Variants in RANBP17 observed in about 807,000 individuals in gnomAD.
The protein encoded by RANBP17 is RAN binding protein 17.
RANBP17 carries 158 observed loss-of-function variants against 141.2 expected under a neutral mutation model. The ratio of observed to expected loss-of-function variants is 1.12; its 90% CI spans 0.98 to 1.28. The LOEUF is 1.28. Among genes scored for constraint, RANBP17 ranks in the 50% most tolerant of loss-of-function variants. The pLI is 0.00. For missense variants in RANBP17, 1,438 were observed against 1,290.7 expected (o/e 1.11, Z -1.75); for synonymous variants, 430 against 450.0 (o/e 0.96, Z 0.56).
intron 13 of RANBP17, among the ~76,000 whole-genome samples, chr5:170,954,770 C>A (rs1775479412): frequency 5.3e-5 from 8 of 151,946 alleles, no homozygotes; most frequent in Admixed American, 3.9e-4. Flanking sequence ...TTCCTAAATG[C>A]AGAATAGCTG....
At chr5:171,231,969 CA>C (rs1381829251) in intron 22 of RANBP17, among the ~76,000 whole-genome samples, 3 of 152,072 alleles carry the variant, frequency 2.0e-5, no homozygotes, top group African/African-American at 7.2e-5. Context: ...AAGGATATAT[CA>C]GTTCAATGGA....
At position 171,153,368 on chromosome 5, in the gene RANBP17, C is replaced by CT. The variant is rs892495267; in HGVS notation, c.1711-16754dup. Among the ~76,000 whole-genome samples, 75 of 152,064 alleles carry CT rather than the reference C, an allele frequency of 4.9e-4. No individual in the cohort carries two copies. In the Middle Eastern group the frequency reaches 0.02, roughly 41 times the overall value. ...TATTTTTGGCTAGATTAGTGGCACTCTTTTTTTTGTTTCATTTATTATACA... is the reference window on the plus strand; with the variant it reads ...TATTTTTGGCTAGATTAGTGGCACTCTTTTTTTTTGTTTCATTTATTATACA... On this transcript the variant is annotated intron_variant, in intron 14 of 27. Coordinates refer to ENST00000523189, the MANE Select transcript of RANBP17 (RefSeq NM_022897.5).
At chr5:171,147,339 T>TTGTGTGTTTGTGTGTGTGTG (rs1758105220) in intron 14 of RANBP17, among the ~76,000 whole-genome samples, 1 of 104,850 alleles carries the variant, frequency 9.5e-6, no homozygotes, top group Non-Finnish European at 1.9e-5. Flanking sequence ...CTTGGTTGTT[T>TTGTGTGTTTGTGTGTGTGTG]TGTGTGTGTG....
At chr5:171,200,602 T>C (rs1762244485) in intron 19 of RANBP17, among the ~76,000 whole-genome samples, 1 of 152,170 alleles carries the variant, frequency 6.6e-6, no homozygotes, top group Admixed American at 6.5e-5. Flanking sequence ...GACACCTTTG[T>C]TGGTGATAAT....
chr5:171,056,365 GT>G, intron 14 of RANBP17, among the ~76,000 whole-genome samples: 1 of 152,080 alleles, frequency 6.6e-6, no homozygotes. Flanking sequence ...GATAACAATC[GT>G]TTGTGAATGA....
At chr5:170,946,512 C>G (rs889951619) in intron 12 of RANBP17, among the ~76,000 whole-genome samples, 6 of 152,086 alleles carry the variant, frequency 3.9e-5, no homozygotes, top group African/African-American at 1.4e-4. Flanking sequence ...TACTAATTGT[C>G]ATTGTTTGGT....
At chr5:171,057,161 T>G (rs1209102814) in intron 14 of RANBP17, among the ~76,000 whole-genome samples, 2 of 152,156 alleles carry the variant, frequency 1.3e-5, no homozygotes, top group Admixed American at 6.6e-5. Context: ...TCTGGTGTGC[T>G]TTTATTCTAA....
At chr5:171,186,521 A>ATTTTTTTTTTTTT (rs1243325206) in intron 18 of RANBP17, among the ~76,000 whole-genome samples, 1 of 29,510 alleles carries the variant, frequency 3.4e-5, no homozygotes, top group Non-Finnish European at 7.5e-5. Flanking sequence ...CACTGGTATG[A>ATTTTTTTTTTTTT]TTTTCTTTTT....
intron 25 of RANBP17, among the ~76,000 whole-genome samples, chr5:171,266,284 T>A (rs929123350): frequency 6.6e-6 from 1 of 152,178 alleles, no homozygotes; most frequent in Non-Finnish European, 1.5e-5. Context: ...TTCTCATTCA[T>A]CATATCATAG....
intron 24 of RANBP17, chr5:171,252,806 T>C: frequency 6.5e-6 from 8 of 1,227,234 alleles, no homozygotes; most frequent in Non-Finnish European, 8.4e-6. Flanking sequence ...ATTGTCAGCA[T>C]TGGTCCCAGT....
intron 25 of RANBP17, among the ~76,000 whole-genome samples, chr5:171,287,835 G>A (rs1018319733): frequency 6.6e-6 from 1 of 152,012 alleles, no homozygotes; most frequent in Non-Finnish European, 1.5e-5. Flanking sequence ...CAGCCAGGCT[G>A]GACCAGGGTT....
chr5:170,990,865 C>T (rs948583458), intron 14 of RANBP17, among the ~76,000 whole-genome samples: 3 of 151,972 alleles, frequency 2.0e-5, no homozygotes, highest in African/African-American at 7.2e-5. Flanking sequence ...TCACTAAACT[C>T]CTCTGCCATG....
intron 14 of RANBP17, among the ~76,000 whole-genome samples, chr5:171,108,216 G>GT (rs1205924306): frequency 2.0e-5 from 3 of 151,544 alleles, no homozygotes; most frequent in Non-Finnish European, 4.4e-5. Context: ...TGTTGTTCAG[G>GT]TTTTTTCTTG....
chr5:171,011,986 C>T (rs760886683), intron 14 of RANBP17, among the ~76,000 whole-genome samples: 6 of 150,872 alleles, frequency 4.0e-5, no homozygotes, highest in Non-Finnish European at 7.4e-5. Context: ...ACTATTTGAG[C>T]TATTCTGGTT....
At chr5:170,940,684 A>G (rs1270126204) in intron 12 of RANBP17, among the ~76,000 whole-genome samples, 1 of 152,218 alleles carries the variant, frequency 6.6e-6, no homozygotes, top group African/African-American at 2.4e-5. Flanking sequence ...AATTGTTGGC[A>G]TATCAAATAA....
intron 14 of RANBP17, among the ~76,000 whole-genome samples, chr5:171,090,617 G>A (rs1561643850): frequency 6.6e-6 from 1 of 151,910 alleles, no homozygotes; most frequent in African/African-American, 2.4e-5. Context: ...AGAGAACTTT[G>A]CAGCAGCTGC....
chr5:171,101,156 G>A (rs916949080), intron 14 of RANBP17, among the ~76,000 whole-genome samples: 5 of 152,142 alleles, frequency 3.3e-5, no homozygotes, highest in African/African-American at 1.2e-4. Flanking sequence ...GAATATCCTT[G>A]CTAATTTTCT....
chr5:170,925,091 T>C (rs1412155167), intron 12 of RANBP17, among the ~76,000 whole-genome samples: 5 of 152,156 alleles, frequency 3.3e-5, no homozygotes, highest in African/African-American at 1.2e-4. Context: ...AATGTATTTT[T>C]CCAATTTTCT....
At chr5:171,231,688 A>C (rs1004589567) in intron 22 of RANBP17, among the ~76,000 whole-genome samples, 2 of 152,226 alleles carry the variant, frequency 1.3e-5, no homozygotes, top group African/African-American at 4.8e-5. Context: ...TAAACTCTGT[A>C]AGCTTTAAAT....
Sources: allele counts gnomAD v4.1 joint callset (sites outside exome capture counted in the v4.1 genomes callset), GRCh38; gene constraint gnomAD v4.1.1; transcripts MANE v1.5; gene names NCBI Gene and HGNC (gene_info 2026-07-23, HGNC 2026-07-21).